The following SIL1 variants were observed in gnomAD, a reference collection of about 807,000 sequenced individuals.
SIL1 encodes the protein nucleotide exchange factor SIL1.
In SIL1, 40 loss-of-function variants were observed where a neutral mutation model predicts 49.1. The observed-to-expected ratio is 0.81, with a 90% CI of 0.63 to 1.06. The LOEUF is 1.06. Among genes scored for constraint, SIL1 ranks in the 50% least tolerant of loss-of-function variants. The pLI, the probability that SIL1 is intolerant of heterozygous loss-of-function variation, is 0.00. For synonymous variants in SIL1, 253 were observed against 250.8 expected, an observed-to-expected ratio of 1.01 and a Z score of -0.08; for missense variants, 500 against 572.6, an observed-to-expected ratio of 0.87 and a Z score of 1.29.
intron 1 of SIL1, among the ~76,000 whole-genome samples, chr5:139,129,986 T>C (rs1163112694): frequency 1.3e-5 from 2 of 152,200 alleles, no homozygotes; most frequent in Non-Finnish European, 2.9e-5. Flanking sequence ...TATGGGTATA[T>C]TGTCCAGAAT....
At chr5:139,179,544 T>A (rs1751945594) in intron 1 of SIL1, among the ~76,000 whole-genome samples, 1 of 152,126 alleles carries the variant, frequency 6.6e-6, no homozygotes, top group Admixed American at 6.6e-5. Flanking sequence ...GATCTTCTCC[T>A]TACCCTTCTC....
chr5:139,171,543 A>G (rs1751769879), intron 1 of SIL1, among the ~76,000 whole-genome samples: 1 of 151,990 alleles, frequency 6.6e-6, no homozygotes, highest in African/African-American at 2.4e-5. Context: ...AATCTCAAGT[A>G]CCCAGGGACA....
rs528626769 is a variant in SIL1 at position 139,025,026 on chromosome 5, C to G, written c.645+1775G>C. ...CTATCTCGCCATAGTTTCTATTTTT[C>G]TACAGTATTTATTACCTACAAACAT... On this transcript the variant is annotated intron_variant, in intron 6 of 9. Coordinates refer to ENST00000394817, the MANE Select transcript of SIL1 (RefSeq NM_022464.5). Among the ~76,000 whole-genome samples the G allele has an allele frequency of 4.6e-5, 7 of 152,190 alleles. No individual in the cohort carries two copies. The South Asian group carries it at 1.2e-3, about 27-fold the overall frequency.
intron 1 of SIL1, among the ~76,000 whole-genome samples, chr5:139,175,032 G>T (rs1018198045): frequency 6.7e-6 from 1 of 149,958 alleles, no homozygotes; most frequent in African/African-American, 2.5e-5. Context: ...GATTATAAGA[G>T]TGTACTAGGC....
intron 3 of SIL1, among the ~76,000 whole-genome samples, chr5:139,071,359 GT>G (rs1394738758): frequency 1.3e-5 from 2 of 152,098 alleles, no homozygotes; most frequent in Non-Finnish European, 2.9e-5. Flanking sequence ...AGCAATTATT[GT>G]AAAAATCAGG....
At chr5:139,143,334 C>CATAT (rs1344343144) in intron 1 of SIL1, among the ~76,000 whole-genome samples, 8 of 100,632 alleles carry the variant, frequency 7.9e-5, no homozygotes, top group African/African-American at 3.2e-4. Context: ...CACACACACA[C>CATAT]ACACACACAC....
At chr5:138,969,673 T>C (rs1456691836) in intron 7 of SIL1, among the ~76,000 whole-genome samples, 4 of 152,228 alleles carry the variant, frequency 2.6e-5, no homozygotes, top group Non-Finnish European at 4.4e-5. Context: ...CAAGGTCAAG[T>C]TGACAAATAC....
At chr5:138,996,739 C>A (rs921259733) in intron 7 of SIL1, among the ~76,000 whole-genome samples, 1 of 151,848 alleles carries the variant, frequency 6.6e-6, no homozygotes, top group Non-Finnish European at 1.5e-5. Context: ...AGGATGGTCT[C>A]GGTCTCTTGA....
intron 7 of SIL1, among the ~76,000 whole-genome samples, chr5:138,972,862 G>A (rs1767310930): frequency 6.6e-6 from 1 of 152,188 alleles, no homozygotes; most frequent in African/African-American, 2.4e-5. Flanking sequence ...TAAAACCCTG[G>A]GTCCACCAAG....
At chr5:139,049,142 T>A (rs1581058305) in intron 4 of SIL1, among the ~76,000 whole-genome samples, 1 of 152,290 alleles carries the variant, frequency 6.6e-6, no homozygotes, top group East Asian at 1.9e-4. Context: ...AGGACCTCCT[T>A]CTGATTACAT....
chr5:139,140,698 G>A (rs190032174), intron 1 of SIL1, among the ~76,000 whole-genome samples: 13 of 152,290 alleles, frequency 8.5e-5, no homozygotes, highest in Admixed American at 7.2e-4. Flanking sequence ...ACAAGGGATG[G>A]TAGGAAGCTG....
At chr5:139,145,847 C>T (rs1459988648) in intron 1 of SIL1, among the ~76,000 whole-genome samples, 1 of 151,638 alleles carries the variant, frequency 6.6e-6, no homozygotes, top group Non-Finnish European at 1.5e-5. Flanking sequence ...TAGCTTGAGC[C>T]CAGGGGTTTG....
intron 7 of SIL1, among the ~76,000 whole-genome samples, chr5:138,987,451 A>G (rs536881563): frequency 6.6e-6 from 1 of 152,282 alleles, no homozygotes; most frequent in East Asian, 1.9e-4. Context: ...CCTAAAATTT[A>G]GAATTATTTT....
At chr5:139,193,620 T>C (rs2151824588) in intron 1 of SIL1, among the ~76,000 whole-genome samples, 1 of 152,212 alleles carries the variant, frequency 6.6e-6, no homozygotes, top group Admixed American at 6.5e-5. Context: ...AGTCTCAAAA[T>C]ATGATAATGA....
At chr5:139,055,689 C>T (rs1435102950) in intron 3 of SIL1, among the ~76,000 whole-genome samples, 1 of 145,448 alleles carries the variant, frequency 6.9e-6, no homozygotes, top group African/African-American at 2.6e-5. Context: ...TCTCCCTCTC[C>T]CTCTCTTTCC....
chr5:139,136,013 G>T (rs1329397583), intron 1 of SIL1, among the ~76,000 whole-genome samples: 1 of 152,134 alleles, frequency 6.6e-6, no homozygotes, highest in Admixed American at 6.5e-5. Flanking sequence ...GTTGCAGTGA[G>T]CCGAGATCAT....
intron 3 of SIL1, 92 bp downstream of exon 3, chr5:139,120,943 G>C (rs1750615637): frequency 6.6e-7 from 1 of 1,512,092 alleles, no homozygotes; most frequent in Non-Finnish European, 9.1e-7. Flanking sequence ...GGCCAGAGAA[G>C]AGCAGCCTGA....
chr5:139,173,716 G>A (rs1041484134), intron 1 of SIL1, among the ~76,000 whole-genome samples: 6 of 148,662 alleles, frequency 4.0e-5, no homozygotes, highest in Non-Finnish European at 8.9e-5. Context: ...GGAGGCCAAG[G>A]CAGGCAGATC....
At position 139,042,672 on chromosome 5, in the gene SIL1, G is replaced by A; in HGVS notation, c.401C>T (p.Ala134Val). The A allele has an allele frequency of 1.9e-6, 3 of 1,614,080 alleles. No individual in the cohort carries two copies. The highest frequency in any genetic ancestry group is 2.5e-6 in the Non-Finnish European group (3 of 1,180,028). Residue 134 changes from alanine (A) to valine (V), a missense_variant, in exon 5 of 10, where the codon GCA becomes GTA. Transcript: ENST00000394817. ...NTYTSQDLKS[A>V]LAKFKEGAEM... ...TGCCCCCTCCTTGAATTTTGCCAGTGCACTCTTGAGATCCTGAGATGTGTA... is the reference window on the plus strand; with the variant it reads ...TGCCCCCTCCTTGAATTTTGCCAGTACACTCTTGAGATCCTGAGATGTGTA...
Sources: gnomAD v4.1 joint callset for allele counts (sites outside exome capture counted in the v4.1 genomes callset) on GRCh38, gnomAD v4.1.1 for gene constraint, MANE v1.5 for transcripts, NCBI Gene and HGNC (gene_info 2026-07-23, HGNC 2026-07-21) for gene names.